ZNF496: variants seen among roughly 807,000 people sequenced by gnomAD.
ZNF496 encodes NSD1 (nuclear receptor binding SET-domain containing 1)-interacting zinc finger protein 1.
A neutral mutation model predicts 58.9 loss-of-function variants in ZNF496; 11 were observed. The ratio of observed to expected loss-of-function variants is 0.19; its 90% CI spans 0.12 to 0.31. ZNF496 has a LOEUF of 0.31. Ranked by LOEUF, ZNF496 falls within the 10% of genes least tolerant of loss-of-function variation. ZNF496 has a pLI of 1.00. For missense variants in ZNF496, 660 were observed against 783.0 expected (o/e 0.84, Z 1.88); for synonymous variants, 338 against 318.2 (o/e 1.06, Z -0.66).
chr1:247,300,783 C>T lies in ZNF496; in HGVS notation c.1500G>A (p.Ala500=). Residue 500 remains alanine, a synonymous_variant, in exon 10 of 10, where the codon GCG becomes GCA. Coordinates refer to ENST00000682384, the MANE Select transcript of ZNF496 (RefSeq NM_032752.3). This position sits in a 1 kb window ranked among gnomAD's most constrained non-coding sequence, Gnocchi z 5.7. ...GACCCTTGTCCGCGTCCTCGGATGC[C>T]GCCTGCTCTCTCTTCTCCACCGGCT... The part of the protein sequence containing the change: ...RLQPVEKREQ[A]ASEDADKGPK... 6.2e-7 allele frequency: 1 copy of T among 1,601,812 alleles called. No homozygotes were observed. Among genetic ancestry groups the T allele is most frequent in the Non-Finnish European group, 8.5e-7 (1 of 1,171,830 alleles).
In ZNF496 at chr1:247,307,645, A is replaced by C. The variant is rs970853120; in HGVS notation, c.1006+830T>G. 1.6e-5 allele frequency: 16 copies of C among 985,280 alleles called. No homozygotes were observed. In the African/African-American group the frequency reaches 2.6e-4, roughly 16 times the overall value. 61.0% of individuals were successfully genotyped at this position (985,280 alleles called of 1,614,324 possible). A position where few individuals can be genotyped will look rare whatever the true frequency, so the allele number is the denominator to read the frequency against. On this transcript the variant is annotated intron_variant, in intron 9 of 9. Coordinates refer to ENST00000682384, the MANE Select transcript of ZNF496 (RefSeq NM_032752.3). ...CCACACTAGAAAAGCCCCTTTGTCC[A>C]TGCATGAAAGGGGGCCAAGTACAAG...
Position 247,301,288 on chromosome 1 carries a change from C to A in ZNF496, c.1007-12G>T, listed in dbSNP as rs536672891. The A allele has an allele frequency of 2.0e-6, 3 of 1,506,956 alleles. No individual in the cohort carries two copies. In the East Asian group the frequency reaches 6.8e-5, roughly 34 times the overall value. The allele number at this position is 1,506,956 out of a possible 1,614,324, so 93.3% of individuals were successfully genotyped here. A position where few individuals can be genotyped will look rare whatever the true frequency, so the allele number is the denominator to read the frequency against. ...CGGGTTGCCGCCAGCTACAGGAAGGCAACATGCAGGTCAGCGACGCTGCAC... is the reference window on the plus strand; with the variant it reads ...CGGGTTGCCGCCAGCTACAGGAAGGAAACATGCAGGTCAGCGACGCTGCAC... On this transcript the variant is annotated splice_polypyrimidine_tract_variant and intron_variant, in intron 9 of 9. Transcript: ENST00000682384.
chr1:247,319,876 T>G (rs903267477), intron 6 of ZNF496, among the ~76,000 whole-genome samples: 28 of 152,108 alleles, frequency 1.8e-4, no homozygotes, highest in Non-Finnish European at 2.9e-4. Context: ...TGAGCTGAGA[T>G]CGCGCCACTG....
chr1:247,317,957 A>G (rs1659838055), intron 6 of ZNF496, among the ~76,000 whole-genome samples: 1 of 152,260 alleles, frequency 6.6e-6, no homozygotes, highest in South Asian at 2.1e-4. Context: ...GCTTCAATGA[A>G]CAATTATAAG....
At chr1:247,323,421 G>A (rs192097147) in intron 5 of ZNF496, among the ~76,000 whole-genome samples, 191 bp from the exon 6 acceptor site, 92 of 152,208 alleles carry the variant, frequency 6.0e-4, no homozygotes, top group Middle Eastern at 6.8e-3. Flanking sequence ...GTAAAATGAG[G>A]ATTACAAAAT....
intron 6 of ZNF496, among the ~76,000 whole-genome samples, chr1:247,315,863 G>C (rs896863630): frequency 6.6e-5 from 10 of 152,176 alleles, no homozygotes; most frequent in Non-Finnish European, 1.2e-4. Context: ...TAAAAACTCT[G>C]ACTCAGTAGG....
At position 247,309,679 on chromosome 1, in the gene ZNF496, G is replaced by T; in HGVS notation, c.892+20C>A. The T allele has an allele frequency of 6.2e-7, 1 of 1,613,982 alleles. No individual in the cohort carries two copies. The highest frequency in any genetic ancestry group is 8.5e-7 in the Non-Finnish European group (1 of 1,179,962). On this transcript the variant is annotated intron_variant, in intron 8 of 9. Coordinates refer to ENST00000682384, the MANE Select transcript of ZNF496 (RefSeq NM_032752.3). This position sits in a 1 kb window ranked among gnomAD's most constrained non-coding sequence, Gnocchi z 4.3. ...CCCTTCCCCCTACTCTGTCCACTCA[G>T]TTCTGGAATCATTACTCACCCAAGT...
At chr1:247,324,738 T>G (rs1024345207) in intron 5 of ZNF496, among the ~76,000 whole-genome samples, 1 of 152,208 alleles carries the variant, frequency 6.6e-6, no homozygotes, top group Non-Finnish European at 1.5e-5. Context: ...TACAATTTTT[T>G]TTTGTCAATT....
chr1:247,329,490 C>A lies in ZNF496; in HGVS notation c.89G>T (p.Ser30Ile). 2 of 1,602,952 alleles carry A rather than the reference C, an allele frequency of 1.2e-6. No homozygotes were observed. Among genetic ancestry groups the A allele is most frequent in the Non-Finnish European group, 1.7e-6 (2 of 1,176,332 alleles). The change falls in exon 4 of 10, where the codon AGC becomes ATC. Residue 30 changes from serine to isoleucine, a missense_variant. Coordinates refer to ENST00000682384, the MANE Select transcript of ZNF496 (RefSeq NM_032752.3). The surrounding 1 kb of genome is among the most constrained non-coding windows in gnomAD (Gnocchi z 5.5). The stretch of plus-strand genomic sequence containing the variant: ...GGGGCTGGGAAGCTCCCCCTGGGGG[C>A]TAGGGTTCTCTCCAGGTGGGCTCCT... ...KMRSPPGENPSPQGELPSPES... is the reference protein window; with the variant it reads ...KMRSPPGENPIPQGELPSPES...
rs931512439 is a variant in ZNF496, at chr1:247,300,769, G to C, written c.1514C>G (p.Ala505Gly). 3.7e-6 allele frequency: 6 copies of C among 1,605,140 alleles called. No individual in the cohort carries two copies. Among genetic ancestry groups the C allele is most frequent in the Middle Eastern group, 1.7e-4 (1 of 6,016 alleles). The change falls in exon 10 of 10, where the codon GCG becomes GGG. Residue 505 changes from alanine to glycine, a missense_variant. By Grantham distance (60) the Ala-to-Gly change is moderately conservative. Transcript: ENST00000682384. This position sits in a 1 kb window ranked among gnomAD's most constrained non-coding sequence, Gnocchi z 5.7. ...EKREQAASED[A>G]DKGPKEPLEN... ...CAGCGGCTCTTTGGGACCCTTGTCCGCGTCCTCGGATGCCGCCTGCTCTCT... is the reference window on the plus strand; with the variant it reads ...CAGCGGCTCTTTGGGACCCTTGTCCCCGTCCTCGGATGCCGCCTGCTCTCT...
At chr1:247,322,880 G>A (rs908987821) in intron 6 of ZNF496, 9 of 960,596 alleles carry the variant, frequency 9.4e-6, no homozygotes, top group Non-Finnish European at 1.2e-5. Context: ...GCCCATCAAT[G>A]GGGACTCATG....
At chr1:247,313,901 G>C (rs2103023609) in intron 6 of ZNF496, 1 of 152,332 alleles carries the variant, frequency 6.6e-6, no homozygotes, top group South Asian at 2.1e-4. Context: ...ATGGAATCCG[G>C]ATGGCCACCA....
rs1000066348 is a variant in ZNF496, at chr1:247,329,795, G to C, written c.-38+171C>G. Among the ~76,000 whole-genome samples the C allele has an allele frequency of 6.6e-6, 1 of 152,118 alleles. No homozygotes were observed. Among genetic ancestry groups the C allele is most frequent in the Non-Finnish European group, 1.5e-5 (1 of 68,024 alleles). On this transcript the variant is annotated intron_variant, in intron 3 of 9. Coordinates refer to ENST00000682384, the MANE Select transcript of ZNF496 (RefSeq NM_032752.3). The surrounding 1 kb of genome is among the most constrained non-coding windows in gnomAD (Gnocchi z 5.5). ...CACAGGATGAAACAGACAGAAAGATGCCCTCCCCCCATCAGTACCATTACG... is the reference window on the plus strand; with the variant it reads ...CACAGGATGAAACAGACAGAAAGATCCCCTCCCCCCATCAGTACCATTACG...
intron 5 of ZNF496, among the ~76,000 whole-genome samples, chr1:247,324,058 G>A (rs926572679): frequency 7.9e-6 from 1 of 126,712 alleles, no homozygotes; most frequent in Non-Finnish European, 1.6e-5. Flanking sequence ...CTGGGTGACA[G>A]AACATGGCTC....
chr1:247,316,139 T>G (rs1206585195), intron 6 of ZNF496, among the ~76,000 whole-genome samples: 2 of 83,338 alleles, frequency 2.4e-5, no homozygotes, highest in Admixed American at 1.1e-4. Flanking sequence ...GAGAGGGGTG[T>G]GTGTGTGTGT....
chr1:247,313,997 T>G (rs1434566574), intron 6 of ZNF496: 9 of 152,178 alleles, frequency 5.9e-5, no homozygotes, highest in African/African-American at 2.2e-4. Context: ...AGGGAGATTT[T>G]TTTCATAAAC....
At position 247,317,845 on chromosome 1, in the gene ZNF496, A is replaced by G. The variant is rs1572085722; in HGVS notation, c.651+5309T>C. On this transcript the variant is annotated intron_variant, in intron 6 of 9. Coordinates refer to ENST00000682384, the MANE Select transcript of ZNF496 (RefSeq NM_032752.3). ...ATGCAGGCAGAAAATCACTCACTAT[A>G]CCAAGATCTGAAACTGAATGAATAA... Among the ~76,000 whole-genome samples the G allele has an allele frequency of 2.6e-5, 4 of 152,276 alleles. No individual in the cohort carries two copies. The East Asian group carries it at 7.7e-4, about 29-fold the overall frequency.
At position 247,329,303 on chromosome 1, in the gene ZNF496, G is replaced by T. The variant is rs1467167241; in HGVS notation, c.276C>A (p.Ala92=). The T allele has an allele frequency of 6.2e-7, 1 of 1,613,640 alleles. No homozygotes were observed. Among genetic ancestry groups the T allele is most frequent in the East Asian group, 2.2e-5 (1 of 44,868 alleles). ...AGCTCTGGATCTCCCGGGGCAGGAT[G>T]GCCAGGAACTGCTCCAGCACCAGCA... The part of the protein sequence containing the change: ...LELLVLEQFL[A]ILPREIQSWV... The change falls in exon 4 of 10, where the codon GCC becomes GCA. Residue 92 remains alanine, a synonymous_variant. Coordinates refer to ENST00000682384, the MANE Select transcript of ZNF496 (RefSeq NM_032752.3). The surrounding 1 kb of genome is among the most constrained non-coding windows in gnomAD (Gnocchi z 5.5).
rs565742717 is a variant in ZNF496 at position 247,324,853 on chromosome 1, G to T, written c.575-1623C>A. Among the ~76,000 whole-genome samples, 240 of 152,344 alleles carry T rather than the reference G, an allele frequency of 1.6e-3. 1 individual carries two copies. The highest frequency in any genetic ancestry group is 3.6e-3 in the African/African-American group (148 of 41,574). On this transcript the variant is annotated intron_variant, in intron 5 of 9. Coordinates refer to ENST00000682384, the MANE Select transcript of ZNF496 (RefSeq NM_032752.3). The stretch of plus-strand genomic sequence containing the variant: ...AAGACCCTCATACAAAATGTAAAGT[G>T]TGGCTTTGGGACCATCTCACCAGCC...
Sources: allele counts gnomAD v4.1 joint callset (sites outside exome capture counted in the v4.1 genomes callset), GRCh38; gene constraint gnomAD v4.1.1; non-coding constraint Gnocchi (gnomAD v3.1); transcripts MANE v1.5; gene names NCBI Gene and HGNC (gene_info 2026-07-23, HGNC 2026-07-21).